Variants in CMIP observed in about 807,000 individuals in gnomAD.
CMIP encodes the protein C-Maf-inducing protein.
CMIP carries 13 observed loss-of-function variants against 97.3 expected under a neutral mutation model. The observed-to-expected ratio is 0.13, with a 90% CI of 0.09 to 0.21. The LOEUF (loss-of-function observed/expected upper bound fraction) is 0.21. Among genes scored for constraint, CMIP ranks in the 10% least tolerant of loss-of-function variants. The pLI is 1.00. For missense variants in CMIP, 847 were observed against 1,024.9 expected, an observed-to-expected ratio of 0.83 and a Z score of 2.37; for synonymous variants, 538 against 436.3, an observed-to-expected ratio of 1.23 and a Z score of -2.91.
intron 20 of CMIP, 24 bp downstream of exon 20, chr16:81,707,108 T>C (rs1908237186): frequency 6.3e-7 from 1 of 1,595,536 alleles, no homozygotes; most frequent in Non-Finnish European, 8.6e-7. Context: ...TCCTCCCCAC[T>C]CTCCTCCCCT....
chr16:81,666,209 T>C (rs995629490), intron 7 of CMIP: 3 of 152,154 alleles, frequency 2.0e-5, no homozygotes, highest in African/African-American at 7.2e-5. Flanking sequence ...GGGTGTAGTG[T>C]ATGGAGTGGG....
At chr16:81,637,783 G>GCCA (rs75354832) in intron 3 of CMIP, among the ~76,000 whole-genome samples, 52,497 of 151,858 alleles carry the variant, frequency 0.35, 10,761 homozygotes, top group Non-Finnish European at 0.46. Flanking sequence ...ATGGGGCTGG[G>GCCA]ACCTGCCAGC....
At chr16:81,664,155 A>T in intron 6 of CMIP, 114 bp from the exon 7 acceptor site, 1 of 921,068 alleles carries the variant, frequency 1.1e-6, no homozygotes. Context: ...CGTGTTCATC[A>T]AGGGAACCCA....
In CMIP at chr16:81,710,565, AAATT is replaced by A. The variant is rs932889612; in HGVS notation, c.*771_*774del. ...AAAAAAAAAAAGAACCTCCTTGGAA[AAATT>A]AATTGCTTTTTCGTAATGGATTCTC... On this transcript the variant is annotated 3_prime_UTR_variant, in exon 21 of 21. Transcript: ENST00000537098. 4.6e-5 allele frequency: 7 copies of A among 152,224 alleles called. No individual in the cohort carries two copies. Among genetic ancestry groups the A allele is most frequent in the African/African-American group, 1.7e-4 (7 of 41,362 alleles). The allele number at this position is 152,224 out of a possible 1,614,324, so 9.4% of individuals were successfully genotyped here.
At chr16:81,490,497 G>T (rs1367176469) in intron 1 of CMIP, among the ~76,000 whole-genome samples, 1 of 152,142 alleles carries the variant, frequency 6.6e-6, no homozygotes, top group Non-Finnish European at 1.5e-5. Flanking sequence ...GTGTGTGCCT[G>T]GAATCCCAGC....
intron 9 of CMIP, among the ~76,000 whole-genome samples, chr16:81,672,790 C>G (rs1027957331): frequency 5.3e-5 from 8 of 152,172 alleles, no homozygotes; most frequent in Non-Finnish European, 1.2e-4. Flanking sequence ...GTTACCCAGG[C>G]TAGTCTCAAA....
intron 18 of CMIP, among the ~76,000 whole-genome samples, chr16:81,704,943 G>C (rs1265463563): frequency 6.6e-6 from 1 of 151,768 alleles, no homozygotes; most frequent in Non-Finnish European, 1.5e-5. Context: ...TCGCTGGCCT[G>C]CGGGGGGCTG....
chr16:81,546,491 G>C lies in CMIP; in HGVS notation c.301-61076G>C, dbSNP rs2090548510. The stretch of plus-strand genomic sequence containing the variant: ...GGTGGGGAAGGAGAAGAGGCTCTCA[G>C]TTGCAGGCGGTTCATTCATTCACCC... On this transcript the variant is annotated intron_variant, in intron 1 of 20. Coordinates refer to ENST00000537098, the MANE Select transcript of CMIP (RefSeq NM_198390.3). Among the ~76,000 whole-genome samples the C allele has an allele frequency of 2.0e-5, 3 of 152,176 alleles. No homozygotes were observed. In the South Asian group the frequency reaches 6.2e-4, roughly 32 times the overall value.
intron 9 of CMIP, among the ~76,000 whole-genome samples, chr16:81,672,325 C>T (rs529353365): frequency 6.6e-6 from 1 of 152,212 alleles, no homozygotes; most frequent in Non-Finnish European, 1.5e-5. Flanking sequence ...GCTTTAGGGA[C>T]AGATGTTTTA....
chr16:81,572,911 C>T lies in CMIP; in HGVS notation c.301-34656C>T, dbSNP rs567690776. On this transcript the variant is annotated intron_variant, in intron 1 of 20. Transcript: ENST00000537098. ...ACCCCCTCCGTCTCAGACACACCTC[C>T]ATGATTGGTCCCTGCCTCACATCCC... Among the ~76,000 whole-genome samples, 4 of 152,334 alleles carry T rather than the reference C, an allele frequency of 2.6e-5. No homozygotes were observed. In the East Asian group the frequency reaches 7.7e-4, roughly 29 times the overall value.
chr16:81,446,361 G>A (rs1011581585), intron 1 of CMIP, among the ~76,000 whole-genome samples: 2 of 150,414 alleles, frequency 1.3e-5, no homozygotes, highest in Non-Finnish European at 1.5e-5. Flanking sequence ...CCATTGATCT[G>A]TTTCTGAAAT....
intron 1 of CMIP, among the ~76,000 whole-genome samples, chr16:81,566,138 C>T (rs2090980041): frequency 6.6e-6 from 1 of 152,212 alleles, no homozygotes; most frequent in Admixed American, 6.5e-5. Context: ...CCAGGGGAGA[C>T]AGAGGTGCTT....
chr16:81,480,905 G>A (rs1908221635), intron 1 of CMIP, among the ~76,000 whole-genome samples: 1 of 152,202 alleles, frequency 6.6e-6, no homozygotes, highest in African/African-American at 2.4e-5. Context: ...TGGGAAAGAA[G>A]CCTGTGTGTG....
At chr16:81,506,904 C>CAAAA (rs35148332) in intron 1 of CMIP, among the ~76,000 whole-genome samples, 5 of 105,934 alleles carry the variant, frequency 4.7e-5, no homozygotes, top group African/African-American at 7.0e-5. Flanking sequence ...GACTCCGTCT[C>CAAAA]AAAAAAAAAA....
At chr16:81,599,873 C>T (rs2091628046) in intron 1 of CMIP, among the ~76,000 whole-genome samples, 1 of 152,072 alleles carries the variant, frequency 6.6e-6, no homozygotes. Context: ...TGGTGCTGGC[C>T]ACATGGTAAC....
At chr16:81,566,665 A>C (rs1306965118) in intron 1 of CMIP, among the ~76,000 whole-genome samples, 1 of 152,144 alleles carries the variant, frequency 6.6e-6, no homozygotes, top group Non-Finnish European at 1.5e-5. Context: ...TTCCCAAGAG[A>C]ACTGAGTGCT....
At position 81,445,146 on chromosome 16, in the gene CMIP, G is replaced by T; in HGVS notation, c.-96G>T. On this transcript the variant is annotated 5_prime_UTR_variant, in exon 1 of 21. Coordinates refer to ENST00000537098, the MANE Select transcript of CMIP (RefSeq NM_198390.3). ...ACACCCCCCCACCTTCCCGGGGGGT[G>T]GGGGGGTGCGGGCCGCCGGATCCGG... The T allele has an allele frequency of 3.1e-6, 2 of 636,034 alleles. No individual in the cohort carries two copies. The highest frequency in any genetic ancestry group is 3.1e-5 in the South Asian group (1 of 32,186). 39.4% of individuals were successfully genotyped at this position (636,034 alleles called of 1,614,324 possible).
At chr16:81,667,799 A>AGAGAGAGAGAGAGC in intron 7 of CMIP, among the ~76,000 whole-genome samples, 2 of 58,098 alleles carry the variant, frequency 3.4e-5, no homozygotes, top group Non-Finnish European at 6.4e-5. Context: ...AGAGAGAGAG[A>AGAGAGAGAGAGAGC]GTGTGTGTGT....
intron 1 of CMIP, among the ~76,000 whole-genome samples, chr16:81,504,572 G>T (rs2089670682): frequency 1.4e-5 from 2 of 142,366 alleles, no homozygotes; most frequent in South Asian, 2.3e-4. Context: ...GAACCCAGGA[G>T]ATGGAGGTTG....
Sources: allele counts gnomAD v4.1 joint callset (sites outside exome capture counted in the v4.1 genomes callset), GRCh38; gene constraint gnomAD v4.1.1; transcripts MANE v1.5; gene names NCBI Gene and HGNC (gene_info 2026-07-23, HGNC 2026-07-21).